The following NCOA2 variants were observed in gnomAD, a reference collection of about 807,000 sequenced individuals.
NCOA2 encodes the protein class E basic helix-loop-helix protein 75.
NCOA2 carries 21 observed loss-of-function variants against 145.1 expected under a neutral mutation model. The ratio of observed to expected loss-of-function variants is 0.14; its 90% CI spans 0.10 to 0.21. The LOEUF (loss-of-function observed/expected upper bound fraction) is 0.21. NCOA2 is among the 10% of genes least tolerant of loss of function. The pLI, the probability that NCOA2 is intolerant of heterozygous loss-of-function variation, is 1.00. For missense variants in NCOA2, 1,472 were observed against 1,837.6 expected (o/e 0.80, Z 3.64); for synonymous variants, 619 against 637.5 (o/e 0.97, Z 0.44).
At chr8:70,315,384 G>A (rs762188402) in intron 1 of NCOA2, among the ~76,000 whole-genome samples, 6 of 152,162 alleles carry the variant, frequency 3.9e-5, no homozygotes, top group Non-Finnish European at 5.9e-5. Context: ...GTGTATGGAT[G>A]ACGCCATTAT....
chr8:70,230,067 CTT>C (rs1821002256), intron 2 of NCOA2, among the ~76,000 whole-genome samples: 2 of 152,300 alleles, frequency 1.3e-5, no homozygotes, highest in Admixed American at 6.5e-5. Context: ...AGGAATAGCT[CTT>C]GTCAATTTAA....
intron 2 of NCOA2, chr8:70,273,773 G>T (rs1825251378): frequency 1.7e-6 from 1 of 592,370 alleles, no homozygotes; most frequent in Non-Finnish European, 3.2e-6. Context: ...CTACTGGAGA[G>T]AATGATGATG....
At position 70,336,492 on chromosome 8, in the gene NCOA2, AGAG is replaced by A. The variant is rs1807600581; in HGVS notation, c.-76-39695_-76-39693del. Among the ~76,000 whole-genome samples the A allele has an allele frequency of 2.0e-5, 3 of 152,308 alleles. No homozygotes were observed. The South Asian group carries it at 6.2e-4, about 32-fold the overall frequency. On this transcript the variant is annotated intron_variant, in intron 1 of 22. Transcript: ENST00000452400. ...AGAAGTATCTTAATTTATAAAGAAA[AGAG>A]GTTTAATTGAATCACAGTTCCTCAT...
intron 2 of NCOA2, among the ~76,000 whole-genome samples, chr8:70,275,224 C>T (rs1825379728): frequency 6.6e-6 from 1 of 152,094 alleles, no homozygotes. Context: ...ACTTGCAAAA[C>T]TGTATTCTTA....
At chr8:70,371,928 A>T (rs1811260393) in intron 1 of NCOA2, among the ~76,000 whole-genome samples, 1 of 152,212 alleles carries the variant, frequency 6.6e-6, no homozygotes, top group Admixed American at 6.5e-5. Context: ...GATGTCTAAT[A>T]AGTAAAACTC....
In NCOA2 at chr8:70,113,525, G is replaced by T; in HGVS notation, c.*107C>A. 1 of 1,324,490 alleles carries T rather than the reference G, an allele frequency of 7.6e-7. No individual in the cohort carries two copies. The highest frequency in any genetic ancestry group is 1.1e-6 in the Non-Finnish European group (1 of 943,552). The allele number at this position is 1,324,490 out of a possible 1,614,324, so 82.0% of individuals were successfully genotyped here. A position where few individuals can be genotyped will look rare whatever the true frequency, so the allele number is the denominator to read the frequency against. On this transcript the variant is annotated 3_prime_UTR_variant, in exon 23 of 23. Transcript: ENST00000452400. ...CAGGCCTGTCTGCTCTAGCAGAACC[G>T]GCTGGCAGGTCAGTTGGGTTGAAAC...
intron 1 of NCOA2, among the ~76,000 whole-genome samples, chr8:70,364,582 C>G (rs1219847954): frequency 6.6e-6 from 1 of 152,048 alleles, no homozygotes; most frequent in Admixed American, 6.5e-5. Flanking sequence ...GTTTAGTGTA[C>G]TCTGAGCTAT....
Position 70,253,114 on chromosome 8 carries a change from G to T in NCOA2, c.-19-36350C>A, listed in dbSNP as rs185831342. 1.6e-3 allele frequency among the ~76,000 whole-genome samples: 242 copies of T among 152,176 alleles called. 1 individual carries two copies. The highest frequency in any genetic ancestry group is 2.5e-3 in the Non-Finnish European group (171 of 68,000). On this transcript the variant is annotated intron_variant, in intron 2 of 22. Coordinates refer to ENST00000452400, the MANE Select transcript of NCOA2 (RefSeq NM_006540.4). ...ATTTTTGTGAAGATTATTTATCCTT[G>T]TAAGGAAGAGGGTGATAACTGCAGT...
At chr8:70,433,289 AG>A in the NCOA2 span, among the ~76,000 whole-genome samples, 1 of 152,048 alleles carries the variant, frequency 6.6e-6, no homozygotes, top group African/African-American at 2.4e-5. Context: ...AAGGCACTGT[AG>A]GGGTGATAGC....
the NCOA2 span, among the ~76,000 whole-genome samples, chr8:70,427,167 T>C: frequency 6.6e-6 from 1 of 152,214 alleles, no homozygotes; most frequent in African/African-American, 2.4e-5. Context: ...CTGTGCCAAA[T>C]TGTAATTCTC....
intron 2 of NCOA2, 62 bp from the exon 3 acceptor site, chr8:70,216,826 A>C (rs887311532): frequency 1.4e-5 from 15 of 1,044,190 alleles, no homozygotes; most frequent in Non-Finnish European, 1.5e-5. Context: ...GAAGTGTCTG[A>C]TCATTTTACC....
chr8:70,297,186 G>A (rs1827155430), intron 1 of NCOA2, among the ~76,000 whole-genome samples: 1 of 152,122 alleles, frequency 6.6e-6, no homozygotes, highest in South Asian at 2.1e-4. Context: ...CTAGGGCTGT[G>A]CCCAGCACAT....
chr8:70,251,770 C>A (rs1306408423), intron 2 of NCOA2, among the ~76,000 whole-genome samples: 1 of 152,196 alleles, frequency 6.6e-6, no homozygotes, highest in African/African-American at 2.4e-5. Flanking sequence ...TAATGAACAA[C>A]TAGAACTTTA....
the NCOA2 span, among the ~76,000 whole-genome samples, chr8:70,452,876 A>G: frequency 6.6e-6 from 1 of 152,338 alleles, no homozygotes; most frequent in East Asian, 1.9e-4. Context: ...TAAAGATTAC[A>G]AAGATTGCAA....
chr8:70,370,245 C>T lies in NCOA2; in HGVS notation c.-77+33455G>A, dbSNP rs534073512. Among the ~76,000 whole-genome samples the T allele has an allele frequency of 3.9e-5, 6 of 152,184 alleles. No homozygotes were observed. The East Asian group carries it at 9.6e-4, about 24-fold the overall frequency. ...GCGAGAGCAATTAAGAGAAAACACA[C>T]AAATGAAGAATATTATGTCCAAAAA... On this transcript the variant is annotated intron_variant, in intron 1 of 22. Transcript: ENST00000452400.
chr8:70,433,337 G>T, the NCOA2 span, among the ~76,000 whole-genome samples: 2 of 146,088 alleles, frequency 1.4e-5, no homozygotes, highest in Non-Finnish European at 3.0e-5. Flanking sequence ...TTTAAGAGAA[G>T]TACACTAAAA....
chr8:70,234,116 G>A (rs1429896035), intron 2 of NCOA2, among the ~76,000 whole-genome samples: 1 of 152,120 alleles, frequency 6.6e-6, no homozygotes, highest in Non-Finnish European at 1.5e-5. Context: ...CAAATAATAT[G>A]TGACCTTCTA....
chr8:70,276,798 T>C (rs983710822), intron 2 of NCOA2, among the ~76,000 whole-genome samples: 3 of 152,160 alleles, frequency 2.0e-5, no homozygotes, highest in South Asian at 2.1e-4. Context: ...GACTAATATA[T>C]ACACCCGTTA....
At chr8:70,455,268 T>C in the NCOA2 span, among the ~76,000 whole-genome samples, 2 of 152,216 alleles carry the variant, frequency 1.3e-5, no homozygotes, top group Non-Finnish European at 2.9e-5. Flanking sequence ...CTCTGAAGAA[T>C]TGAGTTAAGC....
Sources: allele counts gnomAD v4.1 joint callset (sites outside exome capture counted in the v4.1 genomes callset), GRCh38; gene constraint gnomAD v4.1.1; transcripts MANE v1.5; gene names NCBI Gene and HGNC (gene_info 2026-07-23, HGNC 2026-07-21).